Variants in STX2 observed in about 807,000 individuals in gnomAD.
The protein encoded by STX2 is syntaxin-2.
A neutral mutation model predicts 40.6 loss-of-function variants in STX2; 27 were observed. The observed-to-expected ratio is 0.66, with a 90% CI of 0.49 to 0.92. The LOEUF (loss-of-function observed/expected upper bound fraction) is 0.92. Among genes scored for constraint, STX2 ranks in the 40% least tolerant of loss-of-function variants. The probability of loss-of-function intolerance (pLI) is 0.00; values close to 1 mark genes in which losing one functional copy is unlikely to be tolerated. For synonymous variants in STX2, 123 were observed against 119.1 expected (o/e 1.03, Z -0.22); for missense variants, 328 against 366.1 (o/e 0.90, Z 0.85).
At position 130,802,112 on chromosome 12, in the gene STX2, G is replaced by A. The variant is rs575929511; in HGVS notation, c.464-624C>T. On this transcript the variant is annotated intron_variant, in intron 6 of 10. Coordinates refer to ENST00000392373, the MANE Select transcript of STX2 (RefSeq NM_194356.4). Reference sequence around the variant, plus strand: ...AAAAGTGGAAACAACGCAAACGTCCGTCCCCCGATGCCTGAAGGAGCTAAC... The same window carrying A: ...AAAAGTGGAAACAACGCAAACGTCCATCCCCCGATGCCTGAAGGAGCTAAC... Among the ~76,000 whole-genome samples, 7 of 152,296 alleles carry A rather than the reference G, an allele frequency of 4.6e-5. No individual in the cohort carries two copies. In the South Asian group the frequency reaches 1.2e-3, roughly 27 times the overall value.
intron 6 of STX2, among the ~76,000 whole-genome samples, chr12:130,806,620 C>A (rs2136267738): frequency 6.6e-6 from 1 of 152,338 alleles, no homozygotes; most frequent in South Asian, 2.1e-4. Context: ...AATAGGGCCG[C>A]TGCCTCTGCT....
At chr12:130,817,409 T>C (rs1342987823) in intron 3 of STX2, among the ~76,000 whole-genome samples, 1 of 151,564 alleles carries the variant, frequency 6.6e-6, no homozygotes, top group Non-Finnish European at 1.5e-5. Context: ...CAAAATAAAA[T>C]ATATAGAGAA....
intron 10 of STX2, among the ~76,000 whole-genome samples, chr12:130,793,692 A>C (rs1207035642): frequency 6.6e-6 from 1 of 151,568 alleles, no homozygotes; most frequent in Non-Finnish European, 1.5e-5. Context: ...TACCTGTAAG[A>C]CTCCACCTGT....
Position 130,827,279 on chromosome 12 carries a change from A to G in STX2, c.31-12T>C, listed in dbSNP as rs942433863. The G allele has an allele frequency of 6.2e-7, 1 of 1,611,546 alleles. No individual in the cohort carries two copies. The highest frequency in any genetic ancestry group is 8.5e-7 in the Non-Finnish European group (1 of 1,178,348). On this transcript the variant is annotated splice_polypyrimidine_tract_variant and intron_variant, in intron 1 of 10. Coordinates refer to ENST00000392373, the MANE Select transcript of STX2 (RefSeq NM_194356.4). ...TCATTCTTCCTACACTACAATGAAA[A>G]ATGGAAAATTCAGTTTTTTAAAATT...
intron 3 of STX2, among the ~76,000 whole-genome samples, chr12:130,820,081 A>AT (rs1387840825): frequency 7.2e-5 from 11 of 152,248 alleles, no homozygotes; most frequent in Admixed American, 7.2e-4. Flanking sequence ...CAAAAAATGT[A>AT]TTTGCTGGCA....
At chr12:130,828,931 C>T (rs182498893) in intron 1 of STX2, among the ~76,000 whole-genome samples, 2 of 151,298 alleles carry the variant, frequency 1.3e-5, no homozygotes, top group East Asian at 3.9e-4. Context: ...GCAGCAGAAA[C>T]TAACATTAAG....
At chr12:130,838,375 CTAAAG>C (rs1952810824) in intron 1 of STX2, among the ~76,000 whole-genome samples, 1 of 152,198 alleles carries the variant, frequency 6.6e-6, no homozygotes, top group Admixed American at 6.5e-5. Context: ...TTTTCCCTTG[CTAAAG>C]TAAACAGTAA....
At chr12:130,838,981 GA>G in intron 1 of STX2, 88 bp downstream of exon 1, 1 of 1,113,572 alleles carries the variant, frequency 9.0e-7, no homozygotes, top group Non-Finnish European at 1.2e-6. Context: ...GACCCTCCCG[GA>G]GCCCCGCCCA....
At chr12:130,822,878 G>A (rs754229100) in intron 2 of STX2, among the ~76,000 whole-genome samples, 2 of 152,206 alleles carry the variant, frequency 1.3e-5, no homozygotes, top group Admixed American at 6.5e-5. Flanking sequence ...GGAACACTAC[G>A]CATAAATGGG....
At chr12:130,804,603 G>A (rs567467074) in intron 6 of STX2, among the ~76,000 whole-genome samples, 4 of 152,150 alleles carry the variant, frequency 2.6e-5, no homozygotes, top group South Asian at 2.1e-4. Context: ...TCTGTCTCTC[G>A]GGGGCTTCTG....
rs77706379 is a variant in STX2 at position 130,829,082 on chromosome 12, G to C, written c.31-1815C>G. 5.5e-4 allele frequency among the ~76,000 whole-genome samples: 83 copies of C among 152,062 alleles called. 1 individual carries two copies. The East Asian group carries it at 0.014, about 26-fold the overall frequency. ...GGTGCGTTATCTGTCAATCTTCCTG[G>C]TACCACACCCCCTAGTCCCCACCAT... is the stretch of plus-strand genomic sequence containing the variant. On this transcript the variant is annotated intron_variant, in intron 1 of 10. Coordinates refer to ENST00000392373, the MANE Select transcript of STX2 (RefSeq NM_194356.4).
chr12:130,807,538 A>G (rs1337033821), intron 5 of STX2, among the ~76,000 whole-genome samples: 1 of 151,596 alleles, frequency 6.6e-6, no homozygotes, highest in Non-Finnish European at 1.5e-5. Flanking sequence ...TGCGTGCTTC[A>G]TCGCCTTGTG....
intron 3 of STX2, among the ~76,000 whole-genome samples, chr12:130,813,706 A>C (rs998445563): frequency 6.6e-6 from 1 of 152,180 alleles, no homozygotes; most frequent in Admixed American, 6.5e-5. Flanking sequence ...TTTCATGCCT[A>C]GCTGCCCCAG....
At chr12:130,828,391 C>CTTTTTTTTTTTTTTTTTTTTTT (rs35993256) in intron 1 of STX2, among the ~76,000 whole-genome samples, 1 of 106,526 alleles carries the variant, frequency 9.4e-6, no homozygotes, top group African/African-American at 3.7e-5. Flanking sequence ...CCACACCCGG[C>CTTTTTTTTTTTTTTTTTTTTTT]TTTTTTTTTT....
intron 2 of STX2, 93 bp downstream of exon 2, chr12:130,827,071 GAGGGAGGGGTGGGGAGGGGAGGGGAGGAA>G: frequency 1.7e-6 from 1 of 578,360 alleles, no homozygotes; most frequent in South Asian, 2.0e-5. Flanking sequence ...GGAAGGGAGG[GAGGGAGGGGTGGGGAGGGGAGGGGAGGAA>G]AGGGAGAGGG....
intron 10 of STX2, among the ~76,000 whole-genome samples, chr12:130,793,731 C>G (rs1485163474): frequency 1.3e-5 from 2 of 152,208 alleles, no homozygotes; most frequent in Admixed American, 6.5e-5. Flanking sequence ...CCCACCCATG[C>G]TCCGGGGTGA....
At chr12:130,828,867 CAAAA>C (rs71451381) in intron 1 of STX2, among the ~76,000 whole-genome samples, 2 of 121,588 alleles carry the variant, frequency 1.6e-5, no homozygotes, top group Non-Finnish European at 3.3e-5. Context: ...GACTCTGTCT[CAAAA>C]AAAAAAAAAA....
chr12:130,825,276 A>C (rs547509059), intron 2 of STX2, among the ~76,000 whole-genome samples: 2 of 152,250 alleles, frequency 1.3e-5, no homozygotes, highest in African/African-American at 4.8e-5. Flanking sequence ...ACCTCAGGTG[A>C]TCCACCCACC....
chr12:130,820,714 G>C (rs572783452), intron 3 of STX2, among the ~76,000 whole-genome samples: 1 of 152,152 alleles, frequency 6.6e-6, no homozygotes, highest in African/African-American at 2.4e-5. Context: ...CATACGACTT[G>C]CATTAACATC....
Sources: allele counts gnomAD v4.1 joint callset (sites outside exome capture counted in the v4.1 genomes callset), GRCh38; gene constraint gnomAD v4.1.1; transcripts MANE v1.5; gene names NCBI Gene and HGNC (gene_info 2026-07-23, HGNC 2026-07-21).